SLC39A12: variants seen among roughly 807,000 people sequenced by gnomAD.
The protein encoded by SLC39A12 is zinc transporter ZIP12.
Under a neutral mutation model 71.1 loss-of-function variants are expected in SLC39A12, and 63 were observed. The observed-to-expected ratio is 0.89, with a 90% CI of 0.72 to 1.09. SLC39A12 has a LOEUF of 1.09. Among genes scored for constraint, SLC39A12 ranks in the 50% least tolerant of loss-of-function variants. SLC39A12 has a pLI of 0.00. For missense variants in SLC39A12, 892 were observed against 812.6 expected (o/e 1.10, Z -1.19); for synonymous variants, 351 against 301.3 (o/e 1.16, Z -1.71).
intron 12 of SLC39A12, among the ~76,000 whole-genome samples, chr10:18,037,498 A>G (rs1021874009): frequency 5.9e-5 from 9 of 152,146 alleles, no homozygotes; most frequent in Non-Finnish European, 1.0e-4. Flanking sequence ...TGACATCACA[A>G]CAATGTGACT....
chr10:17,979,616 T>C (rs186231678), intron 5 of SLC39A12, among the ~76,000 whole-genome samples: 2 of 152,218 alleles, frequency 1.3e-5, no homozygotes, highest in African/African-American at 2.4e-5. Context: ...ATACATTATT[T>C]TGATAAAGGG....
At chr10:18,014,004 G>A (rs975900159) in intron 12 of SLC39A12, among the ~76,000 whole-genome samples, 1 of 152,130 alleles carries the variant, frequency 6.6e-6, no homozygotes, top group Non-Finnish European at 1.5e-5. Flanking sequence ...TTTAAAAAAA[G>A]TGATTGGGAT....
chr10:17,986,481 C>T (rs1012358502), intron 6 of SLC39A12, among the ~76,000 whole-genome samples: 3 of 152,136 alleles, frequency 2.0e-5, no homozygotes, highest in African/African-American at 7.2e-5. Context: ...GGTTCATGGA[C>T]TGGTGAAGGG....
At chr10:17,989,913 GA>G (rs969613092) in intron 7 of SLC39A12, among the ~76,000 whole-genome samples, 7 of 147,370 alleles carry the variant, frequency 4.7e-5, no homozygotes, top group East Asian at 2.0e-4. Context: ...TCTGTCTCAC[GA>G]AAAAAAAAAG....
intron 12 of SLC39A12, among the ~76,000 whole-genome samples, chr10:18,024,742 T>C (rs1344386295): frequency 1.3e-5 from 2 of 152,236 alleles, no homozygotes; most frequent in African/African-American, 2.4e-5. Context: ...AATCTATTTT[T>C]CCTTGTAGTT....
intron 8 of SLC39A12, among the ~76,000 whole-genome samples, chr10:17,991,629 CA>C (rs1379425850): frequency 6.6e-6 from 1 of 152,046 alleles, no homozygotes; most frequent in Non-Finnish European, 1.5e-5. Context: ...TTAACCTAAA[CA>C]AATAAGCAAA....
intron 12 of SLC39A12, among the ~76,000 whole-genome samples, chr10:18,036,856 G>A (rs1327591477): frequency 5.0e-5 from 7 of 141,064 alleles, no homozygotes; most frequent in Non-Finnish European, 9.0e-5. Flanking sequence ...GCACAGTCTC[G>A]ACTCACTGCA....
chr10:17,997,219 C>A (rs1288673272), intron 10 of SLC39A12, among the ~76,000 whole-genome samples: 1 of 152,132 alleles, frequency 6.6e-6, no homozygotes, highest in Non-Finnish European at 1.5e-5. Context: ...TGATCTTTAT[C>A]AGTGCAGAAT....
At chr10:17,971,492 A>G (rs1007941796) in intron 4 of SLC39A12, among the ~76,000 whole-genome samples, 107 of 151,736 alleles carry the variant, frequency 7.1e-4, no homozygotes, top group African/African-American at 2.5e-3. Flanking sequence ...GAGGATTTTT[A>G]TTATGGCTTT....
At position 17,952,006 on chromosome 10, in the gene SLC39A12, C is replaced by T. The variant is rs1313747230; in HGVS notation, c.-106C>T. ...GGCTGTGGAGCTCCAGATAAAGAAT[C>T]GTTTATCTTTCTTCTGAAGGTAAGC... On this transcript the variant is annotated 5_prime_UTR_variant, in exon 1 of 13. Coordinates refer to ENST00000377369, the MANE Select transcript of SLC39A12 (RefSeq NM_001145195.2). 3 of 152,186 alleles carry T rather than the reference C, an allele frequency of 2.0e-5. No individual in the cohort carries two copies. Among genetic ancestry groups the T allele is most frequent in the Non-Finnish European group, 4.4e-5 (3 of 68,024 alleles). The allele number at this position is 152,186 out of a possible 1,614,324, so 9.4% of individuals were successfully genotyped here. A position where few individuals can be genotyped will look rare whatever the true frequency, so the allele number is the denominator to read the frequency against.
chr10:17,975,155 A>C (rs1054780786), intron 4 of SLC39A12, among the ~76,000 whole-genome samples: 1 of 152,056 alleles, frequency 6.6e-6, no homozygotes, highest in Non-Finnish European at 1.5e-5. Context: ...CTCACCCTTC[A>C]GGTCAGTGGG....
chr10:17,961,100 A>G lies in SLC39A12; in HGVS notation c.262-481A>G, dbSNP rs782545157. On this transcript the variant is annotated intron_variant, in intron 2 of 12. Transcript: ENST00000377369. ...GGTGACAATTTAGGCTGAAACCTGA[A>G]AAATGAGGGGAACAAGAAGACCTGG... Among the ~76,000 whole-genome samples the G allele has an allele frequency of 2.7e-4, 41 of 152,150 alleles. 1 individual carries two copies. Among genetic ancestry groups the G allele is most frequent in the Admixed American group, 1.1e-3 (17 of 15,276 alleles).
intron 4 of SLC39A12, among the ~76,000 whole-genome samples, chr10:17,969,369 G>A (rs932436219): frequency 3.3e-5 from 5 of 152,122 alleles, no homozygotes; most frequent in African/African-American, 9.7e-5. Flanking sequence ...CCTCCCGATC[G>A]TTCTCCATAG....
At position 18,042,242 on chromosome 10, in the gene SLC39A12, C is replaced by T. The variant is rs1017408327; in HGVS notation, c.1948-463C>T. Among the ~76,000 whole-genome samples, 3 of 152,232 alleles carry T rather than the reference C, an allele frequency of 2.0e-5. No homozygotes were observed. In the East Asian group the frequency reaches 5.8e-4, roughly 29 times the overall value. On this transcript the variant is annotated intron_variant, in intron 12 of 12. Coordinates refer to ENST00000377369, the MANE Select transcript of SLC39A12 (RefSeq NM_001145195.2). ...CTATAAGCCCCAGCACTTTGGGAGG[C>T]CGCAACATGCAGGTTGCTTGAGCCC...
intron 6 of SLC39A12, among the ~76,000 whole-genome samples, chr10:17,982,397 G>C (rs1417134272): frequency 6.6e-6 from 1 of 152,118 alleles, no homozygotes; most frequent in Non-Finnish European, 1.5e-5. Context: ...ATGACAATTA[G>C]CTTACCATTG....
At chr10:17,993,818 A>G (rs569812700) in intron 9 of SLC39A12, among the ~76,000 whole-genome samples, 3 of 152,366 alleles carry the variant, frequency 2.0e-5, no homozygotes, top group South Asian at 4.1e-4. Flanking sequence ...ACAATGTCCA[A>G]TCATGTTCAA....
rs1564665830 is a variant in SLC39A12 at position 18,036,763 on chromosome 10, TATATATATATATATA to T, written c.1948-5941_1948-5927del. ...TTTAAAAATTATATATATATATATA[TATATATATATATATA>T]TATATATATATATATATTTTTTTTT... On this transcript the variant is annotated intron_variant, in intron 12 of 12. Coordinates refer to ENST00000377369, the MANE Select transcript of SLC39A12 (RefSeq NM_001145195.2). 3.0e-3 allele frequency among the ~76,000 whole-genome samples: 26 copies of T among 8,704 alleles called. 1 individual carries two copies. The highest frequency in any genetic ancestry group is 0.01 in the African/African-American group (24 of 2,392). The allele number at this position is 8,704 out of a possible 152,430, so 5.7% of individuals were successfully genotyped here.
intron 4 of SLC39A12, among the ~76,000 whole-genome samples, chr10:17,977,666 A>G (rs1360027983): frequency 6.6e-6 from 1 of 152,216 alleles, no homozygotes; most frequent in Admixed American, 6.5e-5. Flanking sequence ...TCCAGGGAAT[A>G]ATTTCCTAAG....
intron 12 of SLC39A12, among the ~76,000 whole-genome samples, chr10:18,024,729 A>G (rs1836627102): frequency 6.6e-6 from 1 of 152,138 alleles, no homozygotes; most frequent in Non-Finnish European, 1.5e-5. Context: ...CTAGTTGTGA[A>G]TAAATCTATT....
Sources: gnomAD v4.1 joint callset for allele counts (sites outside exome capture counted in the v4.1 genomes callset) on GRCh38, gnomAD v4.1.1 for gene constraint, MANE v1.5 for transcripts, NCBI Gene and HGNC (gene_info 2026-07-23, HGNC 2026-07-21) for gene names.